The following ZNF286A variants were observed in gnomAD, a reference collection of about 807,000 sequenced individuals.
ZNF286A encodes zinc finger protein 286A.
In ZNF286A, 34 loss-of-function variants were observed where a neutral mutation model predicts 49.3. The observed-to-expected ratio is 0.69, with a 90% CI of 0.52 to 0.92. The LOEUF is 0.92. ZNF286A is among the 40% of genes least tolerant of loss of function. The pLI, the probability that ZNF286A is intolerant of heterozygous loss-of-function variation, is 0.00. For missense variants in ZNF286A, 462 were observed against 600.2 expected (o/e 0.77, Z 2.41); for synonymous variants, 155 against 200.4 (o/e 0.77, Z 1.91).
Position 15,717,385 on chromosome 17 carries a change from A to T in ZNF286A, c.*95A>T, listed in dbSNP as rs1967122040. ...AAGGCGCATCCATAATATGCATGTGAGGACCAATTCTGTATGCATCTAATT... is the reference window on the plus strand; with the variant it reads ...AAGGCGCATCCATAATATGCATGTGTGGACCAATTCTGTATGCATCTAATT... On this transcript the variant is annotated 3_prime_UTR_variant, in exon 6 of 6. Coordinates refer to ENST00000583566, the MANE Select transcript of ZNF286A (RefSeq NM_001130842.2). 12 of 1,465,010 alleles carry T rather than the reference A, an allele frequency of 8.2e-6. No homozygotes were observed. Among genetic ancestry groups the T allele is most frequent in the African/African-American group, 1.4e-5 (1 of 70,176 alleles). 90.8% of individuals were successfully genotyped at this position (1,465,010 alleles called of 1,614,324 possible). A position where few individuals can be genotyped will look rare whatever the true frequency, so the allele number is the denominator to read the frequency against.
At chr17:15,703,852 T>C (rs1297540863) in intron 3 of ZNF286A, among the ~76,000 whole-genome samples, 1 of 152,098 alleles carries the variant, frequency 6.6e-6, no homozygotes, top group Non-Finnish European at 1.5e-5. Context: ...GTAGTTTTCC[T>C]GCTGTTTGTG....
At chr17:15,715,225 T>C (rs1018255261) in intron 5 of ZNF286A, among the ~76,000 whole-genome samples, 41 of 152,038 alleles carry the variant, frequency 2.7e-4, no homozygotes, top group African/African-American at 9.4e-4. Flanking sequence ...TTTATTTTTT[T>C]TTAAATGTAA....
At chr17:15,713,378 T>A (rs1411350982) in intron 5 of ZNF286A, among the ~76,000 whole-genome samples, 1 of 152,246 alleles carries the variant, frequency 6.6e-6, no homozygotes, top group Non-Finnish European at 1.5e-5. Context: ...TGTATGACAT[T>A]ATAGAAGGTA....
Position 15,716,205 on chromosome 17 carries a change from T to C in ZNF286A, c.481T>C (p.Trp161Arg), listed in dbSNP as rs762382269. ...GGAAGCAGCCCTTGAATGTGAAAAT[T>C]GGTTAGAGAATCAGCAAGGAAATCA... ...NLEAALECENWLENQQGNQER... is the reference protein window; with the variant it reads ...NLEAALECENRLENQQGNQER... Residue 161 changes from tryptophan to arginine, a missense_variant, in exon 6 of 6, where the codon TGG becomes CGG. By Grantham distance (101) the Trp-to-Arg change is moderately radical (BLOSUM62 -3). Around this residue, in one of 3 missense-constraint regions of ZNF286A, gnomAD observed 259 missense variants for 272.2 expected, o/e 0.95. Transcript: ENST00000583566. The C allele has an allele frequency of 2.0e-5, 32 of 1,613,724 alleles. No individual in the cohort carries two copies. Among genetic ancestry groups the C allele is most frequent in the East Asian group, 8.9e-5 (4 of 44,878 alleles).
chr17:15,703,897 T>G (rs1989978362), intron 3 of ZNF286A, among the ~76,000 whole-genome samples: 1 of 152,108 alleles, frequency 6.6e-6, no homozygotes, highest in Non-Finnish European at 1.5e-5. Flanking sequence ...TGGCTTTTTC[T>G]TCTAATTTTT....
chr17:15,708,856 T>C (rs550851172), intron 5 of ZNF286A, among the ~76,000 whole-genome samples: 13 of 152,364 alleles, frequency 8.5e-5, no homozygotes, highest in African/African-American at 3.1e-4. Context: ...AGATGAGTAT[T>C]TGGATAGTTT....
Position 15,701,168 on chromosome 17 carries a change from T to C in ZNF286A, c.54T>C (p.Asp18=), listed in dbSNP as rs1301409524. ...TGTCGTTAGCTCTGTCTTCCCAGGA[T>C]TCTCCCCATTTCCAAGAGAAGAGCA... ...MPEKGALSSQ[D]SPHFQEKSTE... is the part of the protein sequence containing the mutation. The change falls in exon 3 of 6, where the codon GAT becomes GAC. Residue 18 remains aspartate, a synonymous_variant. Coordinates refer to ENST00000583566, the MANE Select transcript of ZNF286A (RefSeq NM_001130842.2). 2.5e-6 allele frequency: 4 copies of C among 1,614,110 alleles called. No homozygotes were observed. In the Admixed American group the frequency reaches 6.7e-5, roughly 27 times the overall value.
chr17:15,706,484 G>C lies in ZNF286A; in HGVS notation c.224G>C (p.Arg75Thr). Residue 75 changes from arginine to threonine, a missense_variant, in exon 4 of 6, where the codon AGG (arginine) becomes ACG (threonine). Physicochemically the swap from Arg to Thr is moderately conservative, Grantham distance 71 (BLOSUM62 -1). Coordinates refer to ENST00000583566, the MANE Select transcript of ZNF286A (RefSeq NM_001130842.2). ...AQRDVMLENY[R>T]NLVSLWLPVS... is the part of the protein sequence containing the mutation. The stretch of plus-strand genomic sequence containing the variant: ...AGGGATGTGATGCTGGAGAACTATA[G>C]GAACCTAGTCTCACTTTGTAAGAAT... 1 of 1,609,732 alleles carries C rather than the reference G, an allele frequency of 6.2e-7. No homozygotes were observed. Among genetic ancestry groups the C allele is most frequent in the Non-Finnish European group, 8.5e-7 (1 of 1,178,064 alleles).
chr17:15,711,383 A>G (rs1321128944), intron 5 of ZNF286A: 9 of 152,162 alleles, frequency 5.9e-5, no homozygotes, highest in Non-Finnish European at 1.2e-4. Flanking sequence ...CTCTGAGTGT[A>G]TCTTCTTAGC....
At chr17:15,707,834 C>A (rs937157035) in intron 4 of ZNF286A, among the ~76,000 whole-genome samples, 1 of 152,040 alleles carries the variant, frequency 6.6e-6, no homozygotes, top group African/African-American at 2.4e-5. Context: ...ATACCCATTA[C>A]AAATAACTAA....
intron 3 of ZNF286A, among the ~76,000 whole-genome samples, chr17:15,705,980 G>C (rs892153809): frequency 6.6e-6 from 1 of 152,040 alleles, no homozygotes; most frequent in African/African-American, 2.4e-5. Flanking sequence ...CTTGTGATTG[G>C]CTAGATTGAC....
intron 2 of ZNF286A, 127 bp downstream of exon 2, chr17:15,700,493 GC>G: frequency 8.3e-7 from 1 of 1,201,718 alleles, no homozygotes; most frequent in South Asian, 1.3e-5. Context: ...GGATGGATGG[GC>G]TTTTTAAGTG....
At position 15,716,139 on chromosome 17, in the gene ZNF286A, A is replaced by G; in HGVS notation, c.415A>G (p.Ile139Val). Reference sequence around the variant, plus strand: ...AGCAGAATCATGCAAAGTTGCAATAATAGACAGACTGACACGGAATAGTGT... The same window carrying G: ...AGCAGAATCATGCAAAGTTGCAATAGTAGACAGACTGACACGGAATAGTGT... ...SKAESCKVAI[I>V]DRLTRNSVYD... The change falls in exon 6 of 6, where the codon ATA becomes GTA. Residue 139 changes from isoleucine (I) to valine (V), a missense_variant. Physicochemically the swap from Ile to Val is conservative, Grantham distance 29. Coordinates refer to ENST00000583566, the MANE Select transcript of ZNF286A (RefSeq NM_001130842.2). The G allele has an allele frequency of 6.2e-7, 1 of 1,613,882 alleles. No individual in the cohort carries two copies. Among genetic ancestry groups the G allele is most frequent in the Non-Finnish European group, 8.5e-7 (1 of 1,179,830 alleles).
At chr17:15,715,986 C>G in intron 5 of ZNF286A, 73 bp from the exon 6 acceptor site, 1 of 1,596,816 alleles carries the variant, frequency 6.3e-7, no homozygotes, top group East Asian at 2.3e-5. Flanking sequence ...TTCATTAACT[C>G]TTACCTATTA....
intron 5 of ZNF286A, among the ~76,000 whole-genome samples, chr17:15,712,311 C>T (rs551376240): frequency 6.6e-6 from 1 of 152,346 alleles, no homozygotes; most frequent in Admixed American, 6.5e-5. Context: ...TCATTAGTCT[C>T]ATCATTCCCA....
intron 3 of ZNF286A, among the ~76,000 whole-genome samples, chr17:15,702,701 G>T (rs1264979926): frequency 1.3e-5 from 2 of 152,130 alleles, no homozygotes; most frequent in Non-Finnish European, 2.9e-5. Flanking sequence ...TGTCTCCATT[G>T]GCTTCTCAAC....
In ZNF286A at chr17:15,708,143, T is replaced by A; in HGVS notation, c.242-12T>A. 1 of 1,523,402 alleles carries A rather than the reference T, an allele frequency of 6.6e-7. No homozygotes were observed. The allele number at this position is 1,523,402 out of a possible 1,614,324, so 94.4% of individuals were successfully genotyped here. On this transcript the variant is annotated splice_polypyrimidine_tract_variant and intron_variant, in intron 4 of 5. Coordinates refer to ENST00000583566, the MANE Select transcript of ZNF286A (RefSeq NM_001130842.2). ...TTCTTCTTTCTGTCTTTTTCTTTTT[T>A]TAAATGAATAGGGCTTCCAGTTTCC...
At position 15,703,648 on chromosome 17, in the gene ZNF286A, C is replaced by T. The variant is rs561689375; in HGVS notation, c.126+2408C>T. 1.4e-4 allele frequency among the ~76,000 whole-genome samples: 22 copies of T among 152,170 alleles called. No individual in the cohort carries two copies. The East Asian group carries it at 4.2e-3, about 29-fold the overall frequency. ...ACATATGGTATACTATATTTCCTTC[C>T]ATCTACCTACCAGTACCCAACCCAG... is the stretch of plus-strand genomic sequence containing the variant. On this transcript the variant is annotated intron_variant, in intron 3 of 5. Coordinates refer to ENST00000583566, the MANE Select transcript of ZNF286A (RefSeq NM_001130842.2).
rs1186726243 is a variant in ZNF286A at position 15,700,209 on chromosome 17, GC to G, written c.-118del. 2 of 590,342 alleles carry G rather than the reference GC, an allele frequency of 3.4e-6. No individual in the cohort carries two copies. The highest frequency in any genetic ancestry group is 6.0e-6 in the Non-Finnish European group (2 of 331,016). The allele number at this position is 590,342 out of a possible 1,614,324, so 36.6% of individuals were successfully genotyped here. On this transcript the variant is annotated 5_prime_UTR_variant, in exon 2 of 6. Coordinates refer to ENST00000583566, the MANE Select transcript of ZNF286A (RefSeq NM_001130842.2). ...GATCTAACCCAGGCCTTTCATCAGA[GC>G]CCAGGAGGGAAGGCAGGAAGTGGGA...
Sources: gnomAD v4.1 joint callset for allele counts (sites outside exome capture counted in the v4.1 genomes callset) on GRCh38, gnomAD v4.1.1 for gene constraint, gnomAD v4.1.1 regional missense constraint, MANE v1.5 for transcripts, NCBI Gene and HGNC (gene_info 2026-07-23, HGNC 2026-07-21) for gene names.